Variants in ACAD9 observed in about 807,000 individuals in gnomAD.
The protein encoded by ACAD9 is complex I assembly factor ACAD9, mitochondrial.
ACAD9 carries 53 observed loss-of-function variants against 70.2 expected under a neutral mutation model. The observed-to-expected ratio is 0.75, with a 90% CI of 0.61 to 0.95. ACAD9 has a LOEUF of 0.95. ACAD9 is among the 40% of genes least tolerant of loss of function. The probability of loss-of-function intolerance (pLI) is 0.00; values close to 1 mark genes in which losing one functional copy is unlikely to be tolerated. For missense variants in ACAD9, 777 were observed against 802.8 expected, an observed-to-expected ratio of 0.97 and a Z score of 0.39; for synonymous variants, 313 against 312.1, an observed-to-expected ratio of 1.00 and a Z score of -0.03.
At chr3:128,897,828 T>G in intron 6 of ACAD9, 118 bp downstream of exon 6, 1 of 934,906 alleles carries the variant, frequency 1.1e-6, no homozygotes, top group Non-Finnish European at 1.7e-6. Context: ...ACTACCTTCT[T>G]GAGCTGCTTT....
chr3:128,912,633 C>T lies in ACAD9; in HGVS notation c.*26C>T, dbSNP rs373417322. 2,023 of 1,582,752 alleles carry T rather than the reference C, an allele frequency of 1.3e-3. 38 individuals are homozygous for T. The South Asian group carries it at 0.02, about 16-fold the overall frequency. On this transcript the variant is annotated 3_prime_UTR_variant, in exon 18 of 18. Coordinates refer to ENST00000308982, the MANE Select transcript of ACAD9 (RefSeq NM_014049.5). ...GGCAGGGGACAGTGTCCCCTGCTAC[C>T]GCCCGCCCCTACCCATGGCCCGTTG...
intron 1 of ACAD9, 193 bp downstream of exon 1, chr3:128,880,034 A>C (rs1935041042): frequency 2.0e-6 from 3 of 1,536,772 alleles, no homozygotes; most frequent in Non-Finnish European, 2.6e-6. Flanking sequence ...CATTTCCAAG[A>C]CGGGGGACCC....
At chr3:128,894,505 T>TG (rs1046866789) in intron 3 of ACAD9, among the ~76,000 whole-genome samples, 1 of 151,826 alleles carries the variant, frequency 6.6e-6, no homozygotes, top group African/African-American at 2.4e-5. Context: ...TACACAGAAA[T>TG]GCGCTTTCTG....
At chr3:128,895,286 T>C (rs1451214381) in intron 3 of ACAD9, 24 bp from the exon 4 acceptor site, 1 of 1,580,054 alleles carries the variant, frequency 6.3e-7, no homozygotes, top group Non-Finnish European at 8.7e-7. Flanking sequence ...TGGGCTGTGA[T>C]TGACGCTGGT....
At position 128,884,684 on chromosome 3, in the gene ACAD9, A is replaced by G. The variant is rs1210453224; in HGVS notation, c.182A>G (p.Gln61Arg). Residue 61 changes from glutamine to arginine, a missense_variant, in exon 2 of 18, where the codon CAA becomes CGA. By Grantham distance (43) the Gln-to-Arg change is conservative (BLOSUM62 1). Transcript: ENST00000308982. ...GTTTTCCCATTTCCAGAAGTTAGCC[A>G]AGATGAACTTAATGAAATCAATCAG... ...KEVFPFPEVSQDELNEINQFL... is the reference protein window; with the variant it reads ...KEVFPFPEVSRDELNEINQFL... The G allele has an allele frequency of 1.9e-6, 3 of 1,612,736 alleles. No homozygotes were observed. Among genetic ancestry groups the G allele is most frequent in the South Asian group, 2.2e-5 (2 of 90,704 alleles).
At chr3:128,890,346 A>G (rs1019303323) in intron 2 of ACAD9, among the ~76,000 whole-genome samples, 4 of 152,002 alleles carry the variant, frequency 2.6e-5, no homozygotes, top group Non-Finnish European at 4.4e-5. Flanking sequence ...TCGGCCTCCC[A>G]TAGTGCTCGG....
At chr3:128,904,360 TC>T (rs1457222839) in intron 10 of ACAD9, 25 bp from the exon 11 acceptor site, 5 of 1,614,238 alleles carry the variant, frequency 3.1e-6, no homozygotes, top group Non-Finnish European at 4.2e-6. Context: ...GCAAATTGTT[TC>T]TTGTGTTTTT....
chr3:128,894,075 T>A (rs975176981), intron 3 of ACAD9, among the ~76,000 whole-genome samples: 1 of 152,166 alleles, frequency 6.6e-6, no homozygotes, highest in Non-Finnish European at 1.5e-5. Context: ...TCACCTGAAT[T>A]CTGCAGAGGT....
intron 2 of ACAD9, among the ~76,000 whole-genome samples, chr3:128,886,569 G>A (rs552786589): frequency 4.6e-5 from 7 of 151,792 alleles, no homozygotes; most frequent in South Asian, 2.1e-4. Context: ...TTAGCTGGGC[G>A]TGGTGGTACA....
intron 11 of ACAD9, 104 bp from the exon 12 acceptor site, chr3:128,906,017 C>T (rs1415648196): frequency 3.9e-6 from 6 of 1,526,570 alleles, no homozygotes; most frequent in South Asian, 2.3e-5. Flanking sequence ...CCTCCCTGGC[C>T]GATCTCCTCC....
At chr3:128,900,616 G>A (rs1935710434) in intron 7 of ACAD9, among the ~76,000 whole-genome samples, 1 of 151,044 alleles carries the variant, frequency 6.6e-6, no homozygotes, top group South Asian at 2.1e-4. Context: ...TCCTGCCTCT[G>A]CCTCCCAAAA....
At chr3:128,899,493 G>A (rs1935671040) in intron 7 of ACAD9, 32 bp downstream of exon 7, 3 of 1,609,148 alleles carry the variant, frequency 1.9e-6, no homozygotes, top group Non-Finnish European at 2.5e-6. Flanking sequence ...GTGCGCGTGT[G>A]TGTGTGTAAG....
rs962605390 is a variant in ACAD9, at chr3:128,899,567, G to C, written c.808+106G>C. On this transcript the variant is annotated intron_variant, in intron 7 of 17. Coordinates refer to ENST00000308982, the MANE Select transcript of ACAD9 (RefSeq NM_014049.5). ...GTGTGTGTGTGTGTGTGTGTGTAAG[G>C]GGGAGACTGGCCCTTGACTCTGTCC... The C allele has an allele frequency of 5.1e-6, 5 of 986,056 alleles. No individual in the cohort carries two copies. The African/African-American group carries it at 9.4e-5, about 19-fold the overall frequency. 61.1% of individuals were successfully genotyped at this position (986,056 alleles called of 1,614,324 possible). A position where few individuals can be genotyped will look rare whatever the true frequency, so the allele number is the denominator to read the frequency against.
intron 6 of ACAD9, chr3:128,898,608 C>G: frequency 6.3e-6 from 2 of 315,424 alleles, no homozygotes; most frequent in South Asian, 4.7e-5. Context: ...CCGTGTTGCC[C>G]AGGTTGGTCT....
At position 128,897,909 on chromosome 3, in the gene ACAD9, G is replaced by A. The variant is rs34638819; in HGVS notation, c.633+199G>A. ...GAGTCTCTGTCACCCAGGCTGGAGT[G>A]CAGTGGTGTAATCTCAGCTCACTGA... is the stretch of plus-strand genomic sequence containing the variant. On this transcript the variant is annotated intron_variant, in intron 6 of 17. Coordinates refer to ENST00000308982, the MANE Select transcript of ACAD9 (RefSeq NM_014049.5). Among the ~76,000 whole-genome samples, 19,802 of 152,130 alleles carry A rather than the reference G, an allele frequency of 0.13. 1,337 individuals are homozygous for A. The highest frequency in any genetic ancestry group is 0.16 in the Middle Eastern group (48 of 294).
At chr3:128,887,819 A>G (rs1445743470) in intron 2 of ACAD9, among the ~76,000 whole-genome samples, 1 of 152,098 alleles carries the variant, frequency 6.6e-6, no homozygotes, top group Non-Finnish European at 1.5e-5. Flanking sequence ...AAAGCAGAGA[A>G]AAGAACATAC....
Position 128,908,892 on chromosome 3 carries a change from TG to T in ACAD9, c.1359-78del, listed in dbSNP as rs527449655. 4.3e-5 allele frequency: 69 copies of T among 1,610,574 alleles called. 1 individual carries two copies. The African/African-American group carries it at 6.9e-4, about 16-fold the overall frequency. On this transcript the variant is annotated intron_variant, in intron 13 of 17. Coordinates refer to ENST00000308982, the MANE Select transcript of ACAD9 (RefSeq NM_014049.5). Reference sequence around the variant, plus strand: ...AGGCCAGAGGGGGGCACGGAGCTTCTGGGTGCCGAATGGGCCATGTTGCTGG... The same window carrying T: ...AGGCCAGAGGGGGGCACGGAGCTTCTGGTGCCGAATGGGCCATGTTGCTGG...
Position 128,899,344 on chromosome 3 carries a change from G to T in ACAD9, c.691G>T (p.Val231Phe). 1.2e-6 allele frequency: 2 copies of T among 1,614,250 alleles called. No individual in the cohort carries two copies. Among genetic ancestry groups the T allele is most frequent in the Non-Finnish European group, 8.5e-7 (1 of 1,180,054 alleles). Residue 231 changes from valine to phenylalanine, a missense_variant, in exon 7 of 18, where the codon GTC becomes TTC. Coordinates refer to ENST00000308982, the MANE Select transcript of ACAD9 (RefSeq NM_014049.5). Reference sequence around the variant, plus strand: ...TTTTACTGTGTTTGCAAAGACTGAGGTCGTTGATTCTGATGGATCAGTGAA... The same window carrying T: ...TTTTACTGTGTTTGCAAAGACTGAGTTCGTTGATTCTGATGGATCAGTGAA... ...NIFTVFAKTE[V>F]VDSDGSVKDK...
chr3:128,912,006 C>G (rs1936379554), intron 17 of ACAD9, among the ~76,000 whole-genome samples: 1 of 152,242 alleles, frequency 6.6e-6, no homozygotes, highest in African/African-American at 2.4e-5. Context: ...TACCTCTGAC[C>G]CTCACAGTCC....
Sources: allele counts gnomAD v4.1 joint callset (sites outside exome capture counted in the v4.1 genomes callset), GRCh38; gene constraint gnomAD v4.1.1; transcripts MANE v1.5; gene names NCBI Gene and HGNC (gene_info 2026-07-23, HGNC 2026-07-21).